Variants in CCDC178 observed in about 807,000 individuals in gnomAD.
CCDC178 encodes the protein coiled-coil domain containing 178.
A neutral mutation model predicts 117.4 loss-of-function variants in CCDC178; 126 were observed. That is an observed-to-expected ratio of 1.07 (90% confidence interval 0.93 to 1.24). The LOEUF is 1.24. Among genes scored for constraint, CCDC178 ranks in the 50% most tolerant of loss-of-function variants. The pLI, the probability that CCDC178 is intolerant of heterozygous loss-of-function variation, is 0.00. For synonymous variants in CCDC178, 283 were observed against 313.4 expected (o/e 0.90, Z 1.02); for missense variants, 1,030 against 986.9 (o/e 1.04, Z -0.59).
chr18:33,042,220 T>A (rs2056561914), intron 21 of CCDC178, among the ~76,000 whole-genome samples: 1 of 151,912 alleles, frequency 6.6e-6, no homozygotes, highest in African/African-American at 2.4e-5. Context: ...GTTGCCACCT[T>A]GAAGAAATTA....
chr18:33,426,907 A>G (rs2064132369), intron 2 of CCDC178, among the ~76,000 whole-genome samples: 1 of 152,156 alleles, frequency 6.6e-6, no homozygotes, highest in Non-Finnish European at 1.5e-5. Flanking sequence ...TGAAAATCAA[A>G]GTTTGAGTTA....
intron 14 of CCDC178, among the ~76,000 whole-genome samples, chr18:33,246,275 G>A (rs772165708): frequency 2.0e-5 from 3 of 151,740 alleles, no homozygotes; most frequent in Non-Finnish European, 4.4e-5. Flanking sequence ...CACAGGGAGA[G>A]CTTTGAAAGT....
intron 21 of CCDC178, among the ~76,000 whole-genome samples, chr18:33,032,607 G>A (rs1237095163): frequency 1.3e-5 from 2 of 152,036 alleles, no homozygotes; most frequent in African/African-American, 2.4e-5. Flanking sequence ...TGTTAGGGAC[G>A]CTATATAGGC....
chr18:33,245,575 G>A (rs527761752), intron 14 of CCDC178, 147 bp from the exon 15 acceptor site: 1 of 904,272 alleles, frequency 1.1e-6, no homozygotes, highest in African/African-American at 1.7e-5. Flanking sequence ...GACAGAACAT[G>A]TGTCCTAGGA....
chr18:33,078,215 T>C (rs1452484281), intron 21 of CCDC178, among the ~76,000 whole-genome samples: 1 of 152,130 alleles, frequency 6.6e-6, no homozygotes, highest in African/African-American at 2.4e-5. Flanking sequence ...GTAAAGGCTC[T>C]CAATAAAATT....
intron 20 of CCDC178, among the ~76,000 whole-genome samples, chr18:33,157,620 C>T (rs1007565824): frequency 7.9e-5 from 12 of 152,134 alleles, no homozygotes; most frequent in African/African-American, 2.9e-4. Flanking sequence ...ATTTTACCTC[C>T]TTGCTGTTGA....
chr18:33,017,882 T>C (rs1193153349), intron 21 of CCDC178, among the ~76,000 whole-genome samples: 2 of 151,852 alleles, frequency 1.3e-5, no homozygotes, highest in Non-Finnish European at 2.9e-5. Flanking sequence ...CATGAACCTC[T>C]TAGACATGAT....
At chr18:33,354,179 T>A (rs1344727688) in intron 7 of CCDC178, among the ~76,000 whole-genome samples, 1 of 152,206 alleles carries the variant, frequency 6.6e-6, no homozygotes, top group Non-Finnish European at 1.5e-5. Context: ...CCCTGGTACA[T>A]GAAAAGTTGC....
chr18:33,149,065 T>A (rs921766012), intron 20 of CCDC178, among the ~76,000 whole-genome samples: 21 of 152,216 alleles, frequency 1.4e-4, no homozygotes, highest in Admixed American at 1.4e-3. Flanking sequence ...TTCCTTCTCC[T>A]GTCAAACTAA....
chr18:33,388,355 T>C (rs1198894852), intron 5 of CCDC178, among the ~76,000 whole-genome samples: 1 of 152,004 alleles, frequency 6.6e-6, no homozygotes, highest in African/African-American at 2.4e-5. Flanking sequence ...GCAACTGCAT[T>C]ACTGGATATA....
At chr18:33,236,286 T>C (rs373552447) in intron 15 of CCDC178, among the ~76,000 whole-genome samples, 30 of 152,258 alleles carry the variant, frequency 2.0e-4, no homozygotes, top group African/African-American at 7.0e-4. Context: ...CATGAATCAG[T>C]CCATGAAAGA....
At chr18:33,238,704 A>C (rs1486437133) in intron 15 of CCDC178, among the ~76,000 whole-genome samples, 1 of 152,114 alleles carries the variant, frequency 6.6e-6, no homozygotes, top group African/African-American at 2.4e-5. Context: ...AGATGTAGAA[A>C]ACATGTTTAA....
chr18:33,300,301 T>C (rs1291258642), intron 11 of CCDC178, among the ~76,000 whole-genome samples: 1 of 152,178 alleles, frequency 6.6e-6, no homozygotes, highest in African/African-American at 2.4e-5. Flanking sequence ...GCCTTTTTAT[T>C]TACAAATTAC....
chr18:33,400,160 C>T (rs189223538), intron 3 of CCDC178, among the ~76,000 whole-genome samples: 65 of 148,460 alleles, frequency 4.4e-4, no homozygotes, highest in African/African-American at 1.4e-3. Context: ...CAGTAAACCA[C>T]GGTACAAACA....
At chr18:33,139,763 A>C (rs1157804132) in intron 20 of CCDC178, among the ~76,000 whole-genome samples, 1 of 152,040 alleles carries the variant, frequency 6.6e-6, no homozygotes, top group Non-Finnish European at 1.5e-5. Context: ...AAAAAGAAAA[A>C]CCCATTTTCT....
intron 14 of CCDC178, among the ~76,000 whole-genome samples, chr18:33,246,593 C>CA (rs2059551894): frequency 6.6e-6 from 1 of 151,486 alleles, no homozygotes; most frequent in African/African-American, 2.4e-5. Context: ...GGAGACATAG[C>CA]TAGGCTCACA....
intron 21 of CCDC178, among the ~76,000 whole-genome samples, chr18:33,063,097 C>A (rs1265697092): frequency 6.6e-6 from 1 of 152,158 alleles, no homozygotes; most frequent in Admixed American, 6.5e-5. Flanking sequence ...TTCCTGGAAA[C>A]CAGCCCACCA....
intron 3 of CCDC178, among the ~76,000 whole-genome samples, chr18:33,410,995 G>C (rs1020838837): frequency 6.6e-6 from 1 of 152,026 alleles, no homozygotes; most frequent in African/African-American, 2.4e-5. Flanking sequence ...ACCTGTAAAC[G>C]AGCTCAGCCA....
chr18:33,390,029 CTA>C (rs1351945323), intron 4 of CCDC178, among the ~76,000 whole-genome samples: 11 of 148,208 alleles, frequency 7.4e-5, no homozygotes, highest in Non-Finnish European at 1.3e-4. Flanking sequence ...CATATATATA[CTA>C]TTATATATCT....
Sources: allele counts gnomAD v4.1 joint callset (sites outside exome capture counted in the v4.1 genomes callset), GRCh38; gene constraint gnomAD v4.1.1; transcripts MANE v1.5; gene names NCBI Gene and HGNC (gene_info 2026-07-23, HGNC 2026-07-21).